TMEM214: variants seen among roughly 807,000 people sequenced by gnomAD.
TMEM214 encodes the protein transmembrane protein 214.
TMEM214 carries 71 observed loss-of-function variants against 89.8 expected under a neutral mutation model. The observed-to-expected ratio is 0.79, with a 90% CI of 0.65 to 0.96. TMEM214 has a LOEUF of 0.96. Among genes scored for constraint, TMEM214 ranks in the 40% least tolerant of loss-of-function variants. The probability of loss-of-function intolerance (pLI) is 0.00; values close to 1 mark genes in which losing one functional copy is unlikely to be tolerated. For missense variants in TMEM214, 754 were observed against 843.4 expected, an observed-to-expected ratio of 0.89 and a Z score of 1.31; for synonymous variants, 332 against 349.5, an observed-to-expected ratio of 0.95 and a Z score of 0.56.
In TMEM214 at chr2:27,038,852, C is replaced by CGTAA; in HGVS notation, c.1407+37_1407+38insGTAA. The CGTAA allele has an allele frequency of 6.3e-7, 1 of 1,576,038 alleles. No individual in the cohort carries two copies. The highest frequency in any genetic ancestry group is 8.7e-7 in the Non-Finnish European group (1 of 1,147,408). The stretch of plus-strand genomic sequence containing the variant: ...CGGTCCTCTCCAGCCCACACGCTAT[C>CGTAA]TTACATCTCTGTCTCAGCACACCTG... On this transcript the variant is annotated intron_variant, in intron 12 of 16. Transcript: ENST00000238788. The surrounding 1 kb of genome is among the most constrained non-coding windows in gnomAD (Gnocchi z 4.4).
intron 4 of TMEM214, 80 bp downstream of exon 4, chr2:27,035,808 G>C: frequency 1.2e-6 from 2 of 1,603,150 alleles, no homozygotes; most frequent in Non-Finnish European, 1.7e-6. Context: ...CAGTGGTTCT[G>C]TTTCCAGCAG....
At chr2:27,033,194 AC>A (rs755951325) in intron 1 of TMEM214, 28 bp downstream of exon 1, 6 of 1,245,970 alleles carry the variant, frequency 4.8e-6, no homozygotes, top group Non-Finnish European at 6.1e-6. Context: ...CCCGCCGCCT[AC>A]CCCAGGCCTG....
chr2:27,034,503 A>G, intron 2 of TMEM214: 1 of 514,308 alleles, frequency 1.9e-6, no homozygotes, highest in Non-Finnish European at 3.4e-6. Context: ...AGCCTTGAAG[A>G]CCCAGGAACA....
In TMEM214 at chr2:27,040,502, A is replaced by G; in HGVS notation, c.1943+6A>G. 6.2e-7 allele frequency: 1 copy of G among 1,612,718 alleles called. No individual in the cohort carries two copies. Among genetic ancestry groups the G allele is most frequent in the Non-Finnish European group, 8.5e-7 (1 of 1,179,868 alleles). On this transcript the variant is annotated splice_donor_region_variant and intron_variant, in intron 16 of 16. Coordinates refer to ENST00000238788, the MANE Select transcript of TMEM214 (RefSeq NM_017727.5). Reference sequence around the variant, plus strand: ...CACTGCCATGAGGCATGCAGGTGAGACCTTTGCCCAGGGCTCCGGCAGGAT... The same window carrying G: ...CACTGCCATGAGGCATGCAGGTGAGGCCTTTGCCCAGGGCTCCGGCAGGAT...
rs753571805 is a variant in TMEM214 at position 27,037,586 on chromosome 2, T to C, written c.1036T>C (p.Tyr346His). 32 of 1,614,082 alleles carry C rather than the reference T, an allele frequency of 2.0e-5. No individual in the cohort carries two copies. In the South Asian group the frequency reaches 3.2e-4, roughly 16 times the overall value. The change falls in exon 9 of 17, where the codon TAC becomes CAC. Residue 346 changes from tyrosine to histidine, a missense_variant. Coordinates refer to ENST00000238788, the MANE Select transcript of TMEM214 (RefSeq NM_017727.5). ...PSLQEQLCQL[Y>H]PRLKVLAFGA... ...CCTGCAGGAGCAGCTGTGTCAGCTC[T>C]ACCCCCGACTGAAAGTGCTGGCATT...
At chr2:27,036,129 A>C in intron 5 of TMEM214, 77 bp downstream of exon 5, 1 of 1,394,668 alleles carries the variant, frequency 7.2e-7, no homozygotes, top group Non-Finnish European at 1.0e-6. Flanking sequence ...TGTTGGACTC[A>C]GGTTTGGGAT....
Position 27,037,119 on chromosome 2 carries a change from C to T in TMEM214, c.951C>T (p.Pro317=). The change falls in exon 8 of 17, where the codon CCC becomes CCT. Residue 317 remains proline (P), a synonymous_variant. Transcript: ENST00000238788. ...NLTKGFGMIG[P]KDFFPLLDFA... ...CCAAGGGCTTCGGCATGATTGGCCC[C>T]AAGGACTTCTTCCCACTTCTGGACT... The T allele has an allele frequency of 6.2e-7, 1 of 1,614,084 alleles. No individual in the cohort carries two copies.
In TMEM214 at chr2:27,040,546, C is replaced by T. The variant is rs577957566; in HGVS notation, c.1943+50C>T. On this transcript the variant is annotated intron_variant, in intron 16 of 16. Transcript: ENST00000238788. ...GCAGGATCCCCAGCAGCCCCATTCC[C>T]GGGCCCCAGGGACAAGCCATCTCTA... 6.5e-5 allele frequency: 104 copies of T among 1,600,900 alleles called. 2 individuals are homozygous for T. In the South Asian group the frequency reaches 7.5e-4, roughly 12 times the overall value.
chr2:27,039,317 C>G (rs1171197633), intron 13 of TMEM214, 153 bp downstream of exon 13: 1 of 644,242 alleles, frequency 1.6e-6, no homozygotes. Context: ...TTTTTGTCCA[C>G]AGATATGACA....
rs779277105 is a variant in TMEM214, at chr2:27,040,308, C to T, written c.1792-37C>T. 62 of 1,612,934 alleles carry T rather than the reference C, an allele frequency of 3.8e-5. No individual in the cohort carries two copies. The Middle Eastern group carries it at 4.9e-4, about 13-fold the overall frequency. On this transcript the variant is annotated intron_variant, in intron 15 of 16. Coordinates refer to ENST00000238788, the MANE Select transcript of TMEM214 (RefSeq NM_017727.5). ...GTCTTTAGGGCCAGGATGCAGTTCC[C>T]TGGATACTCTGACCCCATCCATTCT...
rs1292975008 is a variant in TMEM214, at chr2:27,037,615, A to G, written c.1065A>G (p.Gly355=). 11 of 1,613,942 alleles carry G rather than the reference A, an allele frequency of 6.8e-6. No homozygotes were observed. The African/African-American group carries it at 1.3e-4, about 20-fold the overall frequency. ...LYPRLKVLAF[G]AKPDSTLHTY... ...CCCGACTGAAAGTGCTGGCATTTGG[A>G]GCAAAGCCGGATTCCACCCTGCATA... The change falls in exon 9 of 17, where the codon GGA becomes GGG. Residue 355 remains glycine, a synonymous_variant. Transcript: ENST00000238788.
In TMEM214 at chr2:27,038,030, A is replaced by C; in HGVS notation, c.1153-116A>C. ...TCTTGACACTGTTTCTCCACCCCTT[A>C]GGGTGGATGTGCGGCCTGGATGGCC... On this transcript the variant is annotated intron_variant, in intron 9 of 16. Coordinates refer to ENST00000238788, the MANE Select transcript of TMEM214 (RefSeq NM_017727.5). This position sits in a 1 kb window ranked among gnomAD's most constrained non-coding sequence, Gnocchi z 4.4. 1 of 1,607,746 alleles carries C rather than the reference A, an allele frequency of 6.2e-7. No individual in the cohort carries two copies. The highest frequency in any genetic ancestry group is 8.5e-7 in the Non-Finnish European group (1 of 1,177,794).
At chr2:27,039,600 C>G in intron 13 of TMEM214, 141 bp from the exon 14 acceptor site, 2 of 760,392 alleles carry the variant, frequency 2.6e-6, no homozygotes, top group Non-Finnish European at 2.3e-6. Flanking sequence ...TCCACAGCAG[C>G]CTGGAGCTGG....
chr2:27,039,400 T>C (rs975870540), intron 13 of TMEM214: 2 of 592,362 alleles, frequency 3.4e-6, no homozygotes, highest in African/African-American at 3.7e-5. Context: ...TTTTAGTAGG[T>C]GTTACCTCCT....
At position 27,037,052 on chromosome 2, in the gene TMEM214, C is replaced by A. The variant is rs772785649; in HGVS notation, c.909-25C>A. On this transcript the variant is annotated intron_variant, in intron 7 of 16. Coordinates refer to ENST00000238788, the MANE Select transcript of TMEM214 (RefSeq NM_017727.5). Reference sequence around the variant, plus strand: ...AGCTGGCATGGGTGGTGGTGTCCAGCGAGCCTGTTTCTTCATCCCCACAGG... The same window carrying A: ...AGCTGGCATGGGTGGTGGTGTCCAGAGAGCCTGTTTCTTCATCCCCACAGG... The A allele has an allele frequency of 8.1e-6, 13 of 1,600,402 alleles. No individual in the cohort carries two copies. The East Asian group carries it at 2.7e-4, about 33-fold the overall frequency.
Position 27,038,963 on chromosome 2 carries a change from G to A in TMEM214, c.1408-84G>A. On this transcript the variant is annotated intron_variant, in intron 12 of 16. Transcript: ENST00000238788. This position sits in a 1 kb window ranked among gnomAD's most constrained non-coding sequence, Gnocchi z 4.4. ...AATGTGAAGGCTTGACGCTCTTTCG[G>A]GAAGGCCTGGCTTGAGGTCTGCCCT... 2 of 1,513,708 alleles carry A rather than the reference G, an allele frequency of 1.3e-6. No homozygotes were observed. Among genetic ancestry groups the A allele is most frequent in the Non-Finnish European group, 1.8e-6 (2 of 1,094,660 alleles). The allele number at this position is 1,513,708 out of a possible 1,614,324, so 93.8% of individuals were successfully genotyped here.
rs1667835476 is a variant in TMEM214, at chr2:27,041,547, T to G, written c.*710T>G. The G allele has an allele frequency of 6.5e-6, 1 of 154,124 alleles. No homozygotes were observed. Among genetic ancestry groups the G allele is most frequent in the African/African-American group, 2.4e-5 (1 of 41,452 alleles). 9.5% of individuals were successfully genotyped at this position (154,124 alleles called of 1,614,324 possible). A position where few individuals can be genotyped will look rare whatever the true frequency, so the allele number is the denominator to read the frequency against. ...CACAAGGCTCAGCTTCTCTCCACTG[T>G]CCATCCCTCCTATCATCTGTAGAGC... On this transcript the variant is annotated 3_prime_UTR_variant, in exon 17 of 17. Transcript: ENST00000238788.
chr2:27,034,910 G>A (rs1667483863), intron 2 of TMEM214, among the ~76,000 whole-genome samples: 1 of 152,164 alleles, frequency 6.6e-6, no homozygotes, highest in Non-Finnish European at 1.5e-5. Context: ...AACATGTGGA[G>A]GGCCTGAGAG....
chr2:27,037,839 C>G (rs563654921), intron 9 of TMEM214, 137 bp downstream of exon 9: 28 of 1,577,592 alleles, frequency 1.8e-5, no homozygotes, highest in Non-Finnish European at 2.4e-5. Context: ...CTGCCTGCCC[C>G]GCTCACTCGA....
Sources: gnomAD v4.1 joint callset for allele counts (sites outside exome capture counted in the v4.1 genomes callset) on GRCh38, gnomAD v4.1.1 for gene constraint, Gnocchi (gnomAD v3.1) non-coding constraint, MANE v1.5 for transcripts, NCBI Gene and HGNC (gene_info 2026-07-23, HGNC 2026-07-21) for gene names.